Variants in TOX observed in about 807,000 individuals in gnomAD.
TOX encodes thymocyte selection-associated high mobility group box protein TOX.
In TOX, 11 loss-of-function variants were observed where a neutral mutation model predicts 53.7. That is an observed-to-expected ratio of 0.20 (90% CI 0.13 to 0.34). The LOEUF (loss-of-function observed/expected upper bound fraction) is 0.34. Ranked by LOEUF, TOX falls within the 10% of genes least tolerant of loss-of-function variation. The pLI, the probability that TOX is intolerant of heterozygous loss-of-function variation, is 1.00. For synonymous variants in TOX, 225 were observed against 245.3 expected (o/e 0.92, Z 0.77); for missense variants, 570 against 664.6 (o/e 0.86, Z 1.56).
chr8:58,968,146 C>T (rs1449053022), intron 1 of TOX, among the ~76,000 whole-genome samples: 1 of 152,102 alleles, frequency 6.6e-6, no homozygotes, highest in Non-Finnish European at 1.5e-5. Flanking sequence ...CTTTCAGTAC[C>T]AAGCAATCCA....
chr8:59,072,704 C>A lies in TOX; in HGVS notation c.102+46182G>T, dbSNP rs111542936. On this transcript the variant is annotated intron_variant, in intron 1 of 8. Transcript: ENST00000361421. ...CATTTGGAAACATGACAAAGAATTC[C>A]TGTCACTTATCGCTTATATTATTTC... Among the ~76,000 whole-genome samples the A allele has an allele frequency of 3.3e-5, 5 of 152,254 alleles. 1 individual carries two copies. Among genetic ancestry groups the A allele is most frequent in the African/African-American group, 1.2e-4 (5 of 41,554 alleles).
At chr8:59,078,512 T>A (rs1243271630) in intron 1 of TOX, among the ~76,000 whole-genome samples, 1 of 152,208 alleles carries the variant, frequency 6.6e-6, no homozygotes, top group Non-Finnish European at 1.5e-5. Flanking sequence ...GCCTGCTCCC[T>A]CTTTGGCTTC....
intron 1 of TOX, among the ~76,000 whole-genome samples, chr8:58,998,251 G>A (rs1813598610): frequency 6.6e-6 from 1 of 151,490 alleles, no homozygotes; most frequent in South Asian, 2.1e-4. Flanking sequence ...CACTTTGGGA[G>A]GCTGAGGTGG....
chr8:59,116,575 AACTATCCAGT>A (rs1484477845), intron 1 of TOX, among the ~76,000 whole-genome samples: 14 of 152,318 alleles, frequency 9.2e-5, no homozygotes, highest in African/African-American at 2.9e-4. Context: ...GGGCCTAGAA[AACTATCCAGT>A]ACATTTAATA....
intron 2 of TOX, among the ~76,000 whole-genome samples, chr8:58,959,527 T>C (rs1190655303): frequency 6.6e-6 from 1 of 152,196 alleles, no homozygotes; most frequent in Non-Finnish European, 1.5e-5. Flanking sequence ...CCATGGGATT[T>C]GGGTTACGAA....
intron 1 of TOX, among the ~76,000 whole-genome samples, chr8:59,104,420 C>T (rs960438977): frequency 2.0e-5 from 3 of 152,140 alleles, no homozygotes; most frequent in East Asian, 3.9e-4. Context: ...TGCGTTGCCT[C>T]GTTTTCTCTC....
chr8:59,003,423 T>C (rs991944638), intron 1 of TOX, among the ~76,000 whole-genome samples: 22 of 152,304 alleles, frequency 1.4e-4, no homozygotes, highest in African/African-American at 4.8e-4. Flanking sequence ...TTCCCAGAGA[T>C]CTATTAGCGA....
At chr8:59,044,598 C>G (rs1193009564) in intron 1 of TOX, among the ~76,000 whole-genome samples, 1 of 151,962 alleles carries the variant, frequency 6.6e-6, no homozygotes, top group Non-Finnish European at 1.5e-5. Flanking sequence ...AGCTTATTTC[C>G]CCAGAAATAG....
chr8:59,071,654 G>C (rs1054106037), intron 1 of TOX, among the ~76,000 whole-genome samples: 16 of 152,092 alleles, frequency 1.1e-4, no homozygotes, highest in Admixed American at 1.0e-3. Flanking sequence ...TGGTATCCAG[G>C]AAGCCAAAAT....
chr8:58,966,670 C>T (rs903312637), intron 1 of TOX, among the ~76,000 whole-genome samples: 45 of 152,178 alleles, frequency 3.0e-4, no homozygotes, highest in African/African-American at 1.0e-3. Context: ...TTTTTGTTAA[C>T]TGTGAAAACT....
chr8:58,923,579 C>T (rs1448549), intron 3 of TOX, among the ~76,000 whole-genome samples: 45,335 of 152,028 alleles, frequency 0.3, 7,062 homozygotes, highest in East Asian at 0.4. Flanking sequence ...AAGAACACTA[C>T]CTCCATTAAT....
chr8:58,985,024 T>C (rs1476296914), intron 1 of TOX, among the ~76,000 whole-genome samples: 2 of 150,428 alleles, frequency 1.3e-5, no homozygotes, highest in Non-Finnish European at 3.0e-5. Flanking sequence ...ATAACTATGG[T>C]CCATATTTGA....
chr8:58,914,436 C>G (rs368501754), intron 3 of TOX, among the ~76,000 whole-genome samples: 1 of 152,138 alleles, frequency 6.6e-6, no homozygotes, highest in South Asian at 2.1e-4. Flanking sequence ...ATTGCCCATT[C>G]CACATTGACC....
chr8:58,809,828 G>A (rs894545319), intron 7 of TOX, among the ~76,000 whole-genome samples: 1 of 152,230 alleles, frequency 6.6e-6, no homozygotes, highest in Non-Finnish European at 1.5e-5. Context: ...CTTGAGATCA[G>A]AGAGTGTTTC....
intron 1 of TOX, among the ~76,000 whole-genome samples, chr8:59,092,730 G>T (rs1490567841): frequency 1.3e-5 from 2 of 152,030 alleles, no homozygotes; most frequent in Non-Finnish European, 2.9e-5. Context: ...CTTCCAGGAA[G>T]TTTTCTTTGA....
intron 5 of TOX, among the ~76,000 whole-genome samples, chr8:58,827,399 T>C (rs953434102): frequency 6.6e-6 from 1 of 152,210 alleles, no homozygotes; most frequent in Non-Finnish European, 1.5e-5. Context: ...TGCAGGTTCA[T>C]CACTGAGTTA....
chr8:58,967,603 T>G (rs139018839), intron 1 of TOX, among the ~76,000 whole-genome samples: 1 of 152,310 alleles, frequency 6.6e-6, no homozygotes, highest in Non-Finnish European at 1.5e-5. Context: ...GAGGAGGTTT[T>G]GGGTAACATA....
intron 1 of TOX, among the ~76,000 whole-genome samples, chr8:58,998,536 T>TAAATTTATATATAATAAATTTATGTA (rs11272464): frequency 1.9e-3 from 73 of 37,710 alleles, no homozygotes; most frequent in Non-Finnish European, 2.3e-3. Context: ...TATATATATA[T>TAAATTTATATATAATAAATTTATGTA]ATAAATTTAT....
At chr8:59,020,706 A>G (rs1814108132) in intron 1 of TOX, among the ~76,000 whole-genome samples, 1 of 152,082 alleles carries the variant, frequency 6.6e-6, no homozygotes, top group South Asian at 2.1e-4. Flanking sequence ...ATTATTTACC[A>G]TTTATACGTG....
Sources: gnomAD v4.1 joint callset for allele counts (sites outside exome capture counted in the v4.1 genomes callset) on GRCh38, gnomAD v4.1.1 for gene constraint, MANE v1.5 for transcripts, NCBI Gene and HGNC (gene_info 2026-07-23, HGNC 2026-07-21) for gene names.